LRP1B: variants seen among roughly 807,000 people sequenced by gnomAD.
The protein encoded by LRP1B is low-density lipoprotein receptor-related protein 1B.
LRP1B carries 217 observed loss-of-function variants against 556.6 expected under a neutral mutation model. The observed-to-expected ratio is 0.39, with a 90% CI of 0.35 to 0.44. The LOEUF is 0.44. Ranked by LOEUF, LRP1B falls within the 20% of genes least tolerant of loss-of-function variation. The pLI is 1.00. For missense variants in LRP1B, 5,053 were observed against 5,620.8 expected (o/e 0.90, Z 3.23); for synonymous variants, 2,047 against 1,865.8 (o/e 1.10, Z -2.50).
At chr2:140,277,937 C>T (rs1682750235) in intron 84 of LRP1B, among the ~76,000 whole-genome samples, 1 of 151,748 alleles carries the variant, frequency 6.6e-6, no homozygotes. Context: ...ATAATATGCA[C>T]AGCAATATTT....
intron 7 of LRP1B, among the ~76,000 whole-genome samples, chr2:141,073,212 A>T (rs1485503022): frequency 6.6e-6 from 1 of 152,106 alleles, no homozygotes; most frequent in African/African-American, 2.4e-5. Flanking sequence ...ACAATGATAC[A>T]TCATCCAAAT....
At chr2:141,269,474 TAGAA>T (rs369766607) in intron 3 of LRP1B, among the ~76,000 whole-genome samples, 21 of 152,236 alleles carry the variant, frequency 1.4e-4, no homozygotes, top group African/African-American at 5.1e-4. Flanking sequence ...AGCTTAATAA[TAGAA>T]AGATCAGATA....
chr2:140,495,794 G>T (rs770017401), intron 55 of LRP1B, 46 bp from the exon 56 acceptor site: 72 of 1,486,396 alleles, frequency 4.8e-5, no homozygotes, highest in Non-Finnish European at 6.4e-5. Flanking sequence ...CATTGTCACT[G>T]TCTTTTACTT....
chr2:140,740,235 T>A (rs914124164), intron 35 of LRP1B, among the ~76,000 whole-genome samples: 3 of 152,150 alleles, frequency 2.0e-5, no homozygotes, highest in Non-Finnish European at 4.4e-5. Context: ...GCAGCACAAC[T>A]TGCAATTGCA....
At chr2:140,594,667 T>C (rs534368081) in intron 43 of LRP1B, among the ~76,000 whole-genome samples, 1 of 152,308 alleles carries the variant, frequency 6.6e-6, no homozygotes, top group South Asian at 2.1e-4. Context: ...GTCTAGCTTC[T>C]TTCTAATCTT....
intron 43 of LRP1B, among the ~76,000 whole-genome samples, chr2:140,581,215 A>G (rs1390235635): frequency 1.3e-5 from 2 of 152,228 alleles, no homozygotes; most frequent in Non-Finnish European, 2.9e-5. Context: ...ATGACTTTAG[A>G]CACTTTAACG....
At chr2:142,088,268 T>C (rs1224063197) in intron 1 of LRP1B, among the ~76,000 whole-genome samples, 1 of 152,192 alleles carries the variant, frequency 6.6e-6, no homozygotes, top group Non-Finnish European at 1.5e-5. Flanking sequence ...CATGAAAACA[T>C]AATTACATTA....
intron 88 of LRP1B, among the ~76,000 whole-genome samples, chr2:140,238,897 A>G (rs1035043547): frequency 3.4e-4 from 52 of 150,874 alleles, no homozygotes; most frequent in Non-Finnish European, 1.6e-4. Flanking sequence ...AATAATGGAC[A>G]TTATTTCACG....
At chr2:141,065,280 TAAG>T (rs1481934128) in intron 7 of LRP1B, among the ~76,000 whole-genome samples, 3 of 151,896 alleles carry the variant, frequency 2.0e-5, no homozygotes, top group South Asian at 4.1e-4. Flanking sequence ...ATCCATCTCT[TAAG>T]AAGGTTAGGA....
At chr2:141,860,947 CTTTTCCACACTAAGATAA>C (rs1203427247) in intron 1 of LRP1B, among the ~76,000 whole-genome samples, 1 of 152,152 alleles carries the variant, frequency 6.6e-6, no homozygotes, top group Non-Finnish European at 1.5e-5. Flanking sequence ...CTTTGCTTTT[CTTTTCCACACTAAGATAA>C]TTTCTGCCCC....
chr2:141,568,304 AT>A (rs1214188537), intron 2 of LRP1B, among the ~76,000 whole-genome samples: 2 of 151,174 alleles, frequency 1.3e-5, no homozygotes, highest in East Asian at 1.9e-4. Context: ...AATTAAAAAA[AT>A]CACTATGCAT....
intron 1 of LRP1B, among the ~76,000 whole-genome samples, chr2:142,000,222 G>T (rs942971553): frequency 2.0e-5 from 3 of 152,114 alleles, no homozygotes; most frequent in African/African-American, 7.2e-5. Context: ...TCATGGCAGC[G>T]TTGATGCCAA....
chr2:142,119,671 C>G (rs938547034), intron 1 of LRP1B, among the ~76,000 whole-genome samples: 1 of 152,110 alleles, frequency 6.6e-6, no homozygotes, highest in African/African-American at 2.4e-5. Flanking sequence ...ATTCCTTTCT[C>G]TTTTTTTCAT....
chr2:141,041,791 C>T (rs1017683948), intron 11 of LRP1B, among the ~76,000 whole-genome samples: 2 of 150,264 alleles, frequency 1.3e-5, no homozygotes, highest in African/African-American at 4.9e-5. Flanking sequence ...AGGCTAATTT[C>T]CTTGATTTGA....
intron 41 of LRP1B, among the ~76,000 whole-genome samples, chr2:140,684,812 T>C (rs1321290007): frequency 1.3e-5 from 2 of 152,174 alleles, no homozygotes; most frequent in East Asian, 3.9e-4. Flanking sequence ...CTAAGGTAAA[T>C]TATAATCTGG....
intron 1 of LRP1B, among the ~76,000 whole-genome samples, chr2:141,829,412 C>T (rs1027308895): frequency 6.6e-6 from 1 of 152,036 alleles, no homozygotes; most frequent in African/African-American, 2.4e-5. Flanking sequence ...AAAAAAAATT[C>T]TGCTGCTCCT....
intron 87 of LRP1B, 113 bp downstream of exon 87, chr2:140,246,973 C>T: frequency 1.4e-6 from 1 of 703,002 alleles, no homozygotes; most frequent in Non-Finnish European, 2.5e-6. Flanking sequence ...TGCAGTGGAT[C>T]TCTTATAAAA....
chr2:140,937,322 G>T (rs181281071), intron 20 of LRP1B, among the ~76,000 whole-genome samples: 1 of 152,072 alleles, frequency 6.6e-6, no homozygotes. Flanking sequence ...GTGACATTGT[G>T]CTGAGTAAAA....
At chr2:142,112,463 A>C (rs907765915) in intron 1 of LRP1B, among the ~76,000 whole-genome samples, 1 of 152,092 alleles carries the variant, frequency 6.6e-6, no homozygotes, top group African/African-American at 2.4e-5. Context: ...AGATAGAGAA[A>C]ATTGGAAAAA....
Sources: gnomAD v4.1 joint callset for allele counts (sites outside exome capture counted in the v4.1 genomes callset) on GRCh38, gnomAD v4.1.1 for gene constraint, MANE v1.5 for transcripts, NCBI Gene and HGNC (gene_info 2026-07-23, HGNC 2026-07-21) for gene names.